The following RAD51B variants were observed in gnomAD, a reference collection of about 807,000 sequenced individuals.
RAD51B encodes RAD51 paralog B.
RAD51B carries 38 observed loss-of-function variants against 42.2 expected under a neutral mutation model. That is an observed-to-expected ratio of 0.90 (90% confidence interval 0.70 to 1.18). The LOEUF is 1.18. Among genes scored for constraint, RAD51B ranks in the 50% most tolerant of loss-of-function variants. RAD51B has a pLI of 0.00. For synonymous variants in RAD51B, 154 were observed against 145.2 expected (o/e 1.06, Z -0.43); for missense variants, 373 against 400.7 (o/e 0.93, Z 0.59).
intron 8 of RAD51B, among the ~76,000 whole-genome samples, chr14:68,314,380 A>G (rs1418330777): frequency 1.3e-5 from 2 of 152,014 alleles, no homozygotes; most frequent in Non-Finnish European, 1.5e-5. Flanking sequence ...ATGCAACCAA[A>G]TAGTGTTAAT....
At chr14:68,019,924 T>G (rs35158848) in intron 7 of RAD51B, among the ~76,000 whole-genome samples, 1 of 152,166 alleles carries the variant, frequency 6.6e-6, no homozygotes, top group African/African-American at 2.4e-5. Flanking sequence ...AGTTACACAT[T>G]GCACTTTCTC....
downstream of RAD51B, among the ~76,000 whole-genome samples, chr14:68,481,970 C>G (rs1039763187): frequency 4.6e-5 from 7 of 152,098 alleles, no homozygotes; most frequent in Non-Finnish European, 1.5e-5. Context: ...TTTTAAGGAG[C>G]AGAAGACATG....
At position 67,889,502 on chromosome 14, in the gene RAD51B, TATATAA is replaced by T. The variant is rs1302639451; in HGVS notation, c.756+2310_756+2315del. ...ACCTCACAGATTGTCTTGAAATATG[TATATAA>T]ATATAAATATATAAAAATAAAAAAT... On this transcript the variant is annotated intron_variant, in intron 7 of 10. Coordinates refer to ENST00000471583, the MANE Select transcript of RAD51B (RefSeq NM_133510.4). Among the ~76,000 whole-genome samples the T allele has an allele frequency of 2.0e-5, 3 of 148,490 alleles. No homozygotes were observed. The Admixed American group carries it at 2.0e-4, about 10-fold the overall frequency.
chr14:68,198,589 G>A (rs957626756), intron 7 of RAD51B, among the ~76,000 whole-genome samples: 1 of 152,056 alleles, frequency 6.6e-6, no homozygotes, highest in Non-Finnish European at 1.5e-5. Flanking sequence ...TCTCCCAATT[G>A]ATTAGGTCTC....
At chr14:68,058,957 A>G (rs1223276797) in intron 7 of RAD51B, among the ~76,000 whole-genome samples, 2 of 152,316 alleles carry the variant, frequency 1.3e-5, no homozygotes, top group Non-Finnish European at 2.9e-5. Context: ...GACATCAAAT[A>G]TACCACTTAG....
intron 10 of RAD51B, among the ~76,000 whole-genome samples, chr14:68,544,837 A>G (rs540363869): frequency 2.6e-5 from 4 of 152,208 alleles, no homozygotes; most frequent in South Asian, 4.1e-4. Flanking sequence ...AAGTTTTTTC[A>G]TGGTTGGTTA....
intron 7 of RAD51B, among the ~76,000 whole-genome samples, chr14:68,228,527 A>G (rs1200839453): frequency 6.6e-6 from 1 of 152,222 alleles, no homozygotes; most frequent in Non-Finnish European, 1.5e-5. Context: ...TGTCATTTTT[A>G]GAAACCAACA....
intron 7 of RAD51B, among the ~76,000 whole-genome samples, chr14:68,052,758 C>G (rs2076414030): frequency 6.6e-6 from 1 of 151,390 alleles, no homozygotes; most frequent in African/African-American, 2.4e-5. Context: ...GTAGCTGGGA[C>G]TATGGGTGTG....
chr14:68,310,762 T>C (rs997404056), intron 8 of RAD51B, among the ~76,000 whole-genome samples: 3 of 152,130 alleles, frequency 2.0e-5, no homozygotes, highest in Admixed American at 6.5e-5. Flanking sequence ...GGAGAATCAC[T>C]TGAACCTGGG....
At chr14:68,512,392 C>T (rs1226031168) in intron 10 of RAD51B, among the ~76,000 whole-genome samples, 3 of 152,216 alleles carry the variant, frequency 2.0e-5, no homozygotes, top group Non-Finnish European at 4.4e-5. Context: ...TCTTGTTTAC[C>T]TCTATGTGGA....
In RAD51B at chr14:67,821,728, C is replaced by T. The variant is rs746906651; in HGVS notation, c.-2-1814C>T. Among the ~76,000 whole-genome samples, 106 of 152,178 alleles carry T rather than the reference C, an allele frequency of 7.0e-4. 1 individual carries two copies. The highest frequency in any genetic ancestry group is 1.4e-3 in the South Asian group (7 of 4,838). On this transcript the variant is annotated intron_variant, in intron 1 of 10. Coordinates refer to ENST00000471583, the MANE Select transcript of RAD51B (RefSeq NM_133510.4). ...TTGCCTGCCTTAGCCTCCCAAAGTG[C>T]TGGGATTGTAGGCGTGAGCTACCTT...
chr14:68,592,163 C>T (rs2257001), intron 10 of RAD51B, among the ~76,000 whole-genome samples: 5,935 of 152,126 alleles, frequency 0.039, 414 homozygotes, highest in African/African-American at 0.13. Flanking sequence ...CCCCCTCCCC[C>T]GCAGCTAGGG....
intron 7 of RAD51B, among the ~76,000 whole-genome samples, chr14:68,178,932 A>G (rs1322209581): frequency 6.6e-6 from 1 of 152,192 alleles, no homozygotes; most frequent in East Asian, 1.9e-4. Context: ...TATCTTGAAG[A>G]GTCTGAAATA....
chr14:68,466,565 C>T (rs1463166157), intron 9 of RAD51B, among the ~76,000 whole-genome samples: 1 of 152,212 alleles, frequency 6.6e-6, no homozygotes, highest in African/African-American at 2.4e-5. Flanking sequence ...ACCCAGCTTC[C>T]CTCTCTCATG....
At chr14:68,662,507 C>T (rs1892954032) in intron 11 of RAD51B, among the ~76,000 whole-genome samples, 1 of 152,212 alleles carries the variant, frequency 6.6e-6, no homozygotes, top group Admixed American at 6.5e-5. Context: ...TGGAACCACC[C>T]AGCAGGCTGA....
chr14:68,505,795 C>T (rs957210264), intron 10 of RAD51B, among the ~76,000 whole-genome samples: 6 of 152,106 alleles, frequency 3.9e-5, no homozygotes, highest in South Asian at 2.1e-4. Context: ...TCAGGAAATC[C>T]GCCCGCCTCG....
chr14:68,516,324 A>C (rs1403937793), intron 10 of RAD51B, among the ~76,000 whole-genome samples: 1 of 152,250 alleles, frequency 6.6e-6, no homozygotes, highest in Non-Finnish European at 1.5e-5. Context: ...GTTAAAAATA[A>C]CATTTTATTA....
At chr14:68,226,893 T>C (rs1490646230) in intron 7 of RAD51B, among the ~76,000 whole-genome samples, 1 of 152,230 alleles carries the variant, frequency 6.6e-6, no homozygotes, top group East Asian at 1.9e-4. Flanking sequence ...GATACAGTCT[T>C]TGAGAATCCA....
intron 10 of RAD51B, among the ~76,000 whole-genome samples, chr14:68,554,615 T>C (rs899336364): frequency 6.6e-5 from 10 of 152,204 alleles, no homozygotes; most frequent in Admixed American, 6.5e-4. Flanking sequence ...CTTCTTGTCT[T>C]CCTTTCCTGC....
Sources: gnomAD v4.1 joint callset for allele counts (sites outside exome capture counted in the v4.1 genomes callset) on GRCh38, gnomAD v4.1.1 for gene constraint, MANE v1.5 for transcripts, NCBI Gene and HGNC (gene_info 2026-07-23, HGNC 2026-07-21) for gene names.